Variants in MYLIP observed in about 807,000 individuals in gnomAD.
MYLIP encodes the protein E3 ubiquitin-protein ligase MYLIP.
MYLIP carries 26 observed loss-of-function variants against 45.8 expected under a neutral mutation model. The observed-to-expected ratio is 0.57, with a 90% confidence interval of 0.42 to 0.79. The LOEUF (loss-of-function observed/expected upper bound fraction) is 0.79. Ranked by LOEUF, MYLIP falls within the 30% of genes least tolerant of loss-of-function variation. The pLI, the probability that MYLIP is intolerant of heterozygous loss-of-function variation, is 0.00. For missense variants in MYLIP, 494 were observed against 555.6 expected, an observed-to-expected ratio of 0.89 and a Z score of 1.11; for synonymous variants, 213 against 218.1, an observed-to-expected ratio of 0.98 and a Z score of 0.21.
chr6:16,133,563 C>G (rs1312621957), intron 2 of MYLIP, among the ~76,000 whole-genome samples: 2 of 152,240 alleles, frequency 1.3e-5, no homozygotes, highest in Admixed American at 1.3e-4. Context: ...AATAGTGAAA[C>G]AAATTAATGT....
At chr6:16,144,159 T>A (rs569164334) in intron 5 of MYLIP, among the ~76,000 whole-genome samples, 1 of 152,246 alleles carries the variant, frequency 6.6e-6, no homozygotes, top group South Asian at 2.1e-4. Flanking sequence ...CTATGCCTAT[T>A]TAATCAATAC....
At position 16,143,957 on chromosome 6, in the gene MYLIP, A is replaced by G. The variant is rs992699508; in HGVS notation, c.827+94A>G. 7.3e-6 allele frequency: 10 copies of G among 1,378,402 alleles called. No homozygotes were observed. In the African/African-American group the frequency reaches 8.7e-5, roughly 12 times the overall value. The allele number at this position is 1,378,402 out of a possible 1,614,324, so 85.4% of individuals were successfully genotyped here. A position where few individuals can be genotyped will look rare whatever the true frequency, so the allele number is the denominator to read the frequency against. ...CTACGGTTCCTTGGATTGTTGTGTC[A>G]ATGAGTCTAGTACAGAATTTAAGAA... On this transcript the variant is annotated intron_variant, in intron 5 of 6. Transcript: ENST00000356840.
intron 2 of MYLIP, 100 bp from the exon 3 acceptor site, chr6:16,141,525 A>T: frequency 1.7e-6 from 2 of 1,147,788 alleles, no homozygotes; most frequent in Non-Finnish European, 1.2e-6. Flanking sequence ...TGTGACTTTT[A>T]AAATTGCTTT....
chr6:16,134,795 T>C (rs1205655531), intron 2 of MYLIP, among the ~76,000 whole-genome samples: 2 of 152,244 alleles, frequency 1.3e-5, no homozygotes, highest in African/African-American at 2.4e-5. Flanking sequence ...ATTTCTGATA[T>C]AATTTTTTCT....
At chr6:16,153,946 A>G in the MYLIP span, among the ~76,000 whole-genome samples, 1 of 152,190 alleles carries the variant, frequency 6.6e-6, no homozygotes, top group African/African-American at 2.4e-5. Flanking sequence ...CTGGAAAAGG[A>G]AACTATTAAA....
At chr6:16,139,044 A>T (rs1759611368) in intron 2 of MYLIP, among the ~76,000 whole-genome samples, 1 of 152,214 alleles carries the variant, frequency 6.6e-6, no homozygotes, top group Admixed American at 6.5e-5. Flanking sequence ...TAGGTTGCAA[A>T]AAGACACGGA....
chr6:16,152,988 A>G (rs1168783440), downstream of MYLIP, among the ~76,000 whole-genome samples: 1 of 152,174 alleles, frequency 6.6e-6, no homozygotes, highest in East Asian at 1.9e-4. Context: ...AAGGTGCTAG[A>G]GGCCCTGGTA....
Position 16,146,839 on chromosome 6 carries a change from A to T in MYLIP, c.*88A>T. 2 of 1,111,204 alleles carry T rather than the reference A, an allele frequency of 1.8e-6. No homozygotes were observed. The highest frequency in any genetic ancestry group is 2.9e-5 in the South Asian group (2 of 68,970). The allele number at this position is 1,111,204 out of a possible 1,614,324, so 68.8% of individuals were successfully genotyped here. A position where few individuals can be genotyped will look rare whatever the true frequency, so the allele number is the denominator to read the frequency against. On this transcript the variant is annotated 3_prime_UTR_variant, in exon 7 of 7. Coordinates refer to ENST00000356840, the MANE Select transcript of MYLIP (RefSeq NM_013262.4). Reference sequence around the variant, plus strand: ...ATGATAGATTGTGGAGAAAGTAATTATTCCAACACCCATCTGCCATGCGAT... The same window carrying T: ...ATGATAGATTGTGGAGAAAGTAATTTTTCCAACACCCATCTGCCATGCGAT...
At chr6:16,151,025 C>G (rs749843903), downstream of MYLIP, among the ~76,000 whole-genome samples, 1 of 151,954 alleles carries the variant, frequency 6.6e-6, no homozygotes, top group Non-Finnish European at 1.5e-5. Flanking sequence ...AGGTATGCCC[C>G]GTAGAACAGG....
At position 16,145,001 on chromosome 6, in the gene MYLIP, A is replaced by G; in HGVS notation, c.932A>G (p.Tyr311Cys). ...GAAAACATTAACCTTGGCAAGAAAT[A>G]TGTCTTTGATATTAAAAGAACATCA... ...LNENINLGKK[Y>C]VFDIKRTSKE... is the part of the protein sequence containing the mutation. Residue 311 changes from tyrosine to cysteine, a missense_variant, in exon 6 of 7, where the codon TAT (tyrosine) becomes TGT (cysteine). Transcript: ENST00000356840. 2 of 1,614,192 alleles carry G rather than the reference A, an allele frequency of 1.2e-6. No homozygotes were observed. The highest frequency in any genetic ancestry group is 1.7e-6 in the Non-Finnish European group (2 of 1,180,036).
intron 2 of MYLIP, among the ~76,000 whole-genome samples, chr6:16,131,029 G>GAAAAAAAAAAAAA (rs11394742): frequency 8.7e-5 from 10 of 115,246 alleles, no homozygotes; most frequent in South Asian, 2.7e-4. Flanking sequence ...GCTACCCCAG[G>GAAAAAAAAAAAAA]AAAAAAAAAA....
At chr6:16,163,045 G>A in the MYLIP span, among the ~76,000 whole-genome samples, 1 of 151,982 alleles carries the variant, frequency 6.6e-6, no homozygotes, top group Non-Finnish European at 1.5e-5. Flanking sequence ...CATATGATGA[G>A]GATGGCAGAC....
At chr6:16,142,946 G>A (rs1406246691) in intron 3 of MYLIP, 74 bp from the exon 4 acceptor site, 13 of 1,428,160 alleles carry the variant, frequency 9.1e-6, no homozygotes, top group African/African-American at 2.8e-5. Flanking sequence ...TATTTCACTC[G>A]TGAAGACTAC....
Position 16,140,264 on chromosome 6 carries a change from G to A in MYLIP, c.279-1361G>A, listed in dbSNP as rs114660342. 5.3e-3 allele frequency among the ~76,000 whole-genome samples: 806 copies of A among 152,316 alleles called. 12 individuals carry two copies. The highest frequency in any genetic ancestry group is 0.018 in the African/African-American group (755 of 41,552). Reference sequence around the variant, plus strand: ...TGCCAGGGACACTTGTTATAACTGAGGCCAATCTGTCTACAGCAGTTTAGG... The same window carrying A: ...TGCCAGGGACACTTGTTATAACTGAAGCCAATCTGTCTACAGCAGTTTAGG... On this transcript the variant is annotated intron_variant, in intron 2 of 6. Transcript: ENST00000356840.
the MYLIP span, chr6:16,161,320 G>A: frequency 3.1e-6 from 1 of 324,494 alleles, no homozygotes; most frequent in Non-Finnish European, 6.1e-6. Context: ...TACAGCTTCA[G>A]ATGGGTGCCC....
In MYLIP at chr6:16,129,172, C is replaced by A. The variant is rs938514590; in HGVS notation, c.-151C>A. On this transcript the variant is annotated 5_prime_UTR_variant, in exon 1 of 7. Coordinates refer to ENST00000356840, the MANE Select transcript of MYLIP (RefSeq NM_013262.4). The surrounding 1 kb of genome is among the most constrained non-coding windows in gnomAD (Gnocchi z 5.1). Reference sequence around the variant, plus strand: ...GAGGGGGTGGCGGGGACGCGAGTGGCGGCCGCGGGGCCCCGGACAAGGGTC... The same window carrying A: ...GAGGGGGTGGCGGGGACGCGAGTGGAGGCCGCGGGGCCCCGGACAAGGGTC... 4 of 743,338 alleles carry A rather than the reference C, an allele frequency of 5.4e-6. No homozygotes were observed. The highest frequency in any genetic ancestry group is 1.8e-5 in the South Asian group (1 of 54,748). 46.0% of individuals were successfully genotyped at this position (743,338 alleles called of 1,614,324 possible).
chr6:16,151,359 A>AG (rs1759878554), downstream of MYLIP, among the ~76,000 whole-genome samples: 1 of 151,564 alleles, frequency 6.6e-6, no homozygotes, highest in African/African-American at 2.4e-5. Context: ...TCCATCTCAA[A>AG]AAAAAAAAGA....
chr6:16,129,215 C>T lies in MYLIP; in HGVS notation c.-108C>T. 1.6e-6 allele frequency: 2 copies of T among 1,215,414 alleles called. No individual in the cohort carries two copies. 75.3% of individuals were successfully genotyped at this position (1,215,414 alleles called of 1,614,324 possible). ...CAAGGGTCCGCAGAGCTGCAGCCTTCGAGGGCCAGCCCTCTCCGAGTCCGG... is the reference window on the plus strand; with the variant it reads ...CAAGGGTCCGCAGAGCTGCAGCCTTTGAGGGCCAGCCCTCTCCGAGTCCGG... On this transcript the variant is annotated 5_prime_UTR_variant, in exon 1 of 7. Coordinates refer to ENST00000356840, the MANE Select transcript of MYLIP (RefSeq NM_013262.4). The surrounding 1 kb of genome is among the most constrained non-coding windows in gnomAD (Gnocchi z 5.1).
At chr6:16,150,532 G>A (rs1407903967), downstream of MYLIP, among the ~76,000 whole-genome samples, 5 of 152,160 alleles carry the variant, frequency 3.3e-5, no homozygotes, top group Admixed American at 1.3e-4. Context: ...GCATAGAGGA[G>A]AGGAGGGCCT....
Sources: gnomAD v4.1 joint callset for allele counts (sites outside exome capture counted in the v4.1 genomes callset) on GRCh38, gnomAD v4.1.1 for gene constraint, Gnocchi (gnomAD v3.1) non-coding constraint, MANE v1.5 for transcripts, NCBI Gene and HGNC (gene_info 2026-07-23, HGNC 2026-07-21) for gene names.